The following STARD13 variants were observed in gnomAD, a reference collection of about 807,000 sequenced individuals.
STARD13 encodes stAR-related lipid transfer protein 13.
Under a neutral mutation model 106.4 loss-of-function variants are expected in STARD13, and 62 were observed. That is an observed-to-expected ratio of 0.58 (90% CI 0.48 to 0.72). The LOEUF is 0.72. STARD13 is among the 30% of genes least tolerant of loss of function. STARD13 has a pLI of 0.00. For missense variants in STARD13, 1,387 were observed against 1,424.0 expected, an observed-to-expected ratio of 0.97 and a Z score of 0.42; for synonymous variants, 565 against 553.0, an observed-to-expected ratio of 1.02 and a Z score of -0.31.
At chr13:33,412,525 A>C in the STARD13 span, among the ~76,000 whole-genome samples, 3 of 152,332 alleles carry the variant, frequency 2.0e-5, no homozygotes, top group South Asian at 4.1e-4. Context: ...TTAAAGACAA[A>C]AATTGAAAGA....
chr13:33,218,018 CAT>C (rs1888140825), intron 1 of STARD13, among the ~76,000 whole-genome samples: 1 of 152,200 alleles, frequency 6.6e-6, no homozygotes, highest in Admixed American at 6.5e-5. Flanking sequence ...AATTCACACA[CAT>C]CTCATTTTAT....
At chr13:33,262,594 T>G (rs1890692899) in intron 1 of STARD13, among the ~76,000 whole-genome samples, 1 of 151,720 alleles carries the variant, frequency 6.6e-6, no homozygotes, top group African/African-American at 2.4e-5. Flanking sequence ...GTTTGCTTAT[T>G]GTTGTGGGAT....
At chr13:33,337,775 C>A (rs1016013718) in intron 1 of STARD13, among the ~76,000 whole-genome samples, 2 of 152,192 alleles carry the variant, frequency 1.3e-5, no homozygotes, top group African/African-American at 4.8e-5. Flanking sequence ...CAAGTCATGG[C>A]TCTACAAGGA....
At chr13:33,672,466 G>A in the STARD13 span, among the ~76,000 whole-genome samples, 2 of 152,108 alleles carry the variant, frequency 1.3e-5, no homozygotes, top group African/African-American at 2.4e-5. Context: ...AACCACCATG[G>A]CACATGTATT....
the STARD13 span, among the ~76,000 whole-genome samples, chr13:33,385,610 A>C: frequency 6.6e-6 from 1 of 151,918 alleles, no homozygotes; most frequent in Non-Finnish European, 1.5e-5. Context: ...CTGTAATCTC[A>C]GCACTTTGGG....
chr13:33,575,642 T>G, the STARD13 span, among the ~76,000 whole-genome samples: 1 of 152,114 alleles, frequency 6.6e-6, no homozygotes, highest in Non-Finnish European at 1.5e-5. Context: ...GGGGAATAGA[T>G]GAGTTTCCTT....
intron 1 of STARD13, among the ~76,000 whole-genome samples, chr13:33,222,008 G>A (rs1272584742): frequency 2.3e-4 from 35 of 152,078 alleles, no homozygotes; most frequent in Admixed American, 2.3e-3. Flanking sequence ...AATTAGCTGG[G>A]TGTGGTGGTG....
chr13:33,123,690 ACT>A (rs1366675838), intron 7 of STARD13, among the ~76,000 whole-genome samples: 2 of 152,152 alleles, frequency 1.3e-5, no homozygotes, highest in East Asian at 3.9e-4. Context: ...AAACATGGAC[ACT>A]CTGTTGCATC....
In STARD13 at chr13:33,159,319, C is replaced by T. The variant is rs116197406; in HGVS notation, c.323+6018G>A. ...TTCACATGAATTGTACTTGCTCATC[C>T]CTATGATATGTCTGGAAGATGCTTT... On this transcript the variant is annotated intron_variant, in intron 3 of 13. Coordinates refer to ENST00000336934, the MANE Select transcript of STARD13 (RefSeq NM_178006.4). Among the ~76,000 whole-genome samples, 942 of 152,274 alleles carry T rather than the reference C, an allele frequency of 6.2e-3. 15 individuals carry two copies. The highest frequency in any genetic ancestry group is 0.021 in the African/African-American group (865 of 41,540).
chr13:33,579,513 CTATA>C, the STARD13 span, among the ~76,000 whole-genome samples: 1 of 151,846 alleles, frequency 6.6e-6, no homozygotes, highest in Admixed American at 6.6e-5. Flanking sequence ...GGATAAAAAA[CTATA>C]TATTGAGTAC....
the STARD13 span, among the ~76,000 whole-genome samples, chr13:33,552,609 A>G: frequency 1.3e-5 from 2 of 152,190 alleles, no homozygotes; most frequent in South Asian, 2.1e-4. Flanking sequence ...TTATACCTCA[A>G]AGCTGTTAAG....
At chr13:33,339,541 C>A (rs369776077) in intron 1 of STARD13, among the ~76,000 whole-genome samples, 21 of 152,324 alleles carry the variant, frequency 1.4e-4, no homozygotes, top group African/African-American at 4.8e-4. Flanking sequence ...ATAGCTTCCA[C>A]CCCTTTCCCA....
intron 1 of STARD13, among the ~76,000 whole-genome samples, chr13:33,303,577 C>T (rs1427245675): frequency 6.6e-6 from 1 of 152,100 alleles, no homozygotes; most frequent in African/African-American, 2.4e-5. Context: ...CAAGTACTGA[C>T]CAGGTTCCTC....
chr13:33,556,590 A>C, the STARD13 span, among the ~76,000 whole-genome samples: 1 of 151,876 alleles, frequency 6.6e-6, no homozygotes, highest in South Asian at 2.1e-4. Context: ...TCTTTTCCTT[A>C]CTCCTACTTT....
intron 1 of STARD13, chr13:33,185,806 A>G: frequency 6.6e-7 from 1 of 1,509,518 alleles, no homozygotes; most frequent in Admixed American, 1.7e-5. Context: ...CACTGAGGCC[A>G]TGCAAGGCTA....
the STARD13 span, chr13:33,658,520 A>T: frequency 6.6e-6 from 1 of 152,222 alleles, no homozygotes; most frequent in African/African-American, 2.4e-5. Flanking sequence ...TAAAAAGTTA[A>T]ATCACTTGTC....
intron 1 of STARD13, among the ~76,000 whole-genome samples, chr13:33,217,166 T>C (rs1368780686): frequency 6.6e-6 from 1 of 152,188 alleles, no homozygotes; most frequent in Non-Finnish European, 1.5e-5. Flanking sequence ...CTATCCCTGC[T>C]GGAGTCAATA....
At chr13:33,653,884 C>T in the STARD13 span, among the ~76,000 whole-genome samples, 1 of 152,128 alleles carries the variant, frequency 6.6e-6, no homozygotes, top group Non-Finnish European at 1.5e-5. Flanking sequence ...AAATAGACAT[C>T]TTCCTAAATA....
At chr13:33,320,758 G>A (rs1893529500) in intron 1 of STARD13, among the ~76,000 whole-genome samples, 1 of 152,138 alleles carries the variant, frequency 6.6e-6, no homozygotes, top group Admixed American at 6.5e-5. Context: ...ACTGCTTGAG[G>A]CCAGGAATCT....
Sources: allele counts gnomAD v4.1 joint callset (sites outside exome capture counted in the v4.1 genomes callset), GRCh38; gene constraint gnomAD v4.1.1; transcripts MANE v1.5; gene names NCBI Gene and HGNC (gene_info 2026-07-23, HGNC 2026-07-21).